Variants in NOS1 observed in about 807,000 individuals in gnomAD.
NOS1 encodes the protein nitric oxide synthase 1.
NOS1 carries 51 observed loss-of-function variants against 164.5 expected under a neutral mutation model. The ratio of observed to expected loss-of-function variants is 0.31; its 90% CI spans 0.25 to 0.39. NOS1 has a LOEUF of 0.39. NOS1 is among the 10% of genes least tolerant of loss of function. The pLI is 1.00. For missense variants in NOS1, 1,362 were observed against 1,885.6 expected, an observed-to-expected ratio of 0.72 and a Z score of 5.14; for synonymous variants, 719 against 745.8, an observed-to-expected ratio of 0.96 and a Z score of 0.59.
At chr12:117,223,366 A>G (rs1488922415) in intron 25 of NOS1, among the ~76,000 whole-genome samples, 1 of 149,626 alleles carries the variant, frequency 6.7e-6, no homozygotes, top group African/African-American at 2.5e-5. Flanking sequence ...GGTTCAATCC[A>G]TTCTCCTGCC....
rs895262084 is a variant in NOS1 at position 117,216,070 on chromosome 12, G to T, written c.4290-746C>A. On this transcript the variant is annotated intron_variant, in intron 28 of 28. Coordinates refer to ENST00000317775, the MANE Select transcript of NOS1 (RefSeq NM_000620.5). ...CTTTTGTGTTTTTAGTAGAGACAGGGTTTTGCCATGTTGCCCAGGCTGGTC... is the reference window on the plus strand; with the variant it reads ...CTTTTGTGTTTTTAGTAGAGACAGGTTTTTGCCATGTTGCCCAGGCTGGTC... Among the ~76,000 whole-genome samples the T allele has an allele frequency of 2.6e-5, 4 of 151,552 alleles. No individual in the cohort carries two copies. In the East Asian group the frequency reaches 7.8e-4, roughly 29 times the overall value.
At chr12:117,221,328 T>C (rs1956702072) in intron 26 of NOS1, among the ~76,000 whole-genome samples, 1 of 151,176 alleles carries the variant, frequency 6.6e-6, no homozygotes, top group Non-Finnish European at 1.5e-5. Context: ...CTTTTTTTTT[T>C]AGTAGAGATG....
Position 117,234,556 on chromosome 12 carries a change from G to A in NOS1, c.3235+9C>T. The A allele has an allele frequency of 6.2e-7, 1 of 1,609,250 alleles. No individual in the cohort carries two copies. Among genetic ancestry groups the A allele is most frequent in the Non-Finnish European group, 8.5e-7 (1 of 1,176,358 alleles). On this transcript the variant is annotated intron_variant, in intron 21 of 28. Transcript: ENST00000317775. The surrounding 1 kb of genome is among the most constrained non-coding windows in gnomAD (Gnocchi z 4.3). ...CCCTAGAGCAGGGAAGGGTCCCCGG[G>A]AATGTTACCTAAAGCCGTGTTCCGC...
chr12:117,271,978 C>T (rs1485970565), intron 10 of NOS1, among the ~76,000 whole-genome samples: 2 of 152,042 alleles, frequency 1.3e-5, no homozygotes, highest in Non-Finnish European at 2.9e-5. Context: ...GATTTAAGAC[C>T]GAGAGGCAGC....
intron 1 of NOS1, among the ~76,000 whole-genome samples, chr12:117,333,148 G>T (rs1218041712): frequency 5.3e-5 from 8 of 152,162 alleles, no homozygotes; most frequent in Admixed American, 5.2e-4. Flanking sequence ...GGAAGTAGCC[G>T]CCCGTCCCTA....
chr12:117,347,465 G>A (rs1876407227), intron 1 of NOS1, among the ~76,000 whole-genome samples: 1 of 152,096 alleles, frequency 6.6e-6, no homozygotes, highest in African/African-American at 2.4e-5. Flanking sequence ...CCCTTTAGGT[G>A]GGGCATGAGC....
chr12:117,337,802 T>C (rs1404980863), intron 1 of NOS1, among the ~76,000 whole-genome samples: 1 of 152,024 alleles, frequency 6.6e-6, no homozygotes, highest in East Asian at 1.9e-4. Context: ...AAGTGTCAGT[T>C]AAAATCTAAC....
chr12:117,298,755 G>A (rs538810064), intron 3 of NOS1, among the ~76,000 whole-genome samples: 5 of 152,230 alleles, frequency 3.3e-5, no homozygotes, highest in Admixed American at 6.5e-5. Flanking sequence ...CCCAGCCCTC[G>A]GAAGGAACCA....
rs975622973 is a variant in NOS1 at position 117,208,392 on chromosome 12, G to A, written c.*6917C>T. On this transcript the variant is annotated 3_prime_UTR_variant, in exon 29 of 29. Transcript: ENST00000317775. ...GGGGGACGGCCGAGTTTCTGACAGC[G>A]TGTGTGTGTGTGTGTGTGTGTGTGT... The A allele has an allele frequency of 4.1e-5, 10 of 245,280 alleles. No homozygotes were observed. The East Asian group carries it at 5.1e-4, about 13-fold the overall frequency. The allele number at this position is 245,280 out of a possible 1,614,324, so 15.2% of individuals were successfully genotyped here.
chr12:117,251,484 C>T (rs57705701), intron 17 of NOS1, among the ~76,000 whole-genome samples: 3,953 of 152,160 alleles, frequency 0.026, 135 homozygotes, highest in African/African-American at 0.079. Flanking sequence ...GTGATCATGG[C>T]TCACCATAGC....
At chr12:117,248,493 A>G (rs1870831525) in intron 17 of NOS1, among the ~76,000 whole-genome samples, 1 of 151,630 alleles carries the variant, frequency 6.6e-6, no homozygotes, top group Non-Finnish European at 1.5e-5. Context: ...GATGATTTCC[A>G]ATTTCATCCA....
chr12:117,247,342 G>C lies in NOS1; in HGVS notation c.2823+6C>G. The C allele has an allele frequency of 1.3e-6, 2 of 1,589,408 alleles. No homozygotes were observed. Among genetic ancestry groups the C allele is most frequent in the East Asian group, 2.3e-5 (1 of 43,898 alleles). On this transcript the variant is annotated splice_donor_region_variant and intron_variant, in intron 18 of 28. Transcript: ENST00000317775. ...TTTTCCTGTAGGTCCATGAGATCCA[G>C]ATTACCTTGAAGACCTTCTTGGCCC...
intron 3 of NOS1, among the ~76,000 whole-genome samples, chr12:117,307,127 T>G (rs1274694904): frequency 1.3e-5 from 2 of 152,224 alleles, no homozygotes; most frequent in African/African-American, 4.8e-5. Flanking sequence ...GATTTCTGCA[T>G]TGACTTTTAG....
Position 117,211,531 on chromosome 12 carries a change from A to G in NOS1, c.*3778T>C, listed in dbSNP as rs189553587. On this transcript the variant is annotated 3_prime_UTR_variant, in exon 29 of 29. Coordinates refer to ENST00000317775, the MANE Select transcript of NOS1 (RefSeq NM_000620.5). ...CTGTTGCCTTCTGAATAAAGCCTAA[A>G]TTTCTTGTAATGCCACTCACCTCTC... The G allele has an allele frequency of 1.0e-6, 1 of 985,136 alleles. No individual in the cohort carries two copies. The highest frequency in any genetic ancestry group is 1.1e-4 in the East Asian group (1 of 8,804). 61.0% of individuals were successfully genotyped at this position (985,136 alleles called of 1,614,324 possible). A position where few individuals can be genotyped will look rare whatever the true frequency, so the allele number is the denominator to read the frequency against.
At chr12:117,355,807 T>G (rs187026064) in intron 1 of NOS1, among the ~76,000 whole-genome samples, 3 of 152,328 alleles carry the variant, frequency 2.0e-5, no homozygotes, top group Admixed American at 2.0e-4. Flanking sequence ...TTACCCAGGA[T>G]GGAGTGCAGC....
At chr12:117,235,166 C>T (rs1354714154) in intron 20 of NOS1, among the ~76,000 whole-genome samples, 3 of 152,086 alleles carry the variant, frequency 2.0e-5, no homozygotes, top group South Asian at 2.1e-4. Flanking sequence ...AATCTTCCCA[C>T]CTCGGCCTTC....
Position 117,232,099 on chromosome 12 carries a change from G to A in NOS1, c.3268C>T (p.Leu1090Phe), listed in dbSNP as rs1225246863. ...GCCTGGAAGATGGTGCAGGGCGGGA[G>A]GCGGAGCTCGTCTGTCCAGTTACTG... ...VISNWTDELR[L>F]PPCTIFQAFK... The change falls in exon 22 of 29, where the codon CTC (leucine) becomes TTC (phenylalanine). Residue 1090 changes from leucine to phenylalanine, a missense_variant. Around this residue, in one of 4 missense-constraint regions of NOS1, gnomAD observed 737 missense variants for 1,030.3 expected, o/e 0.72. Coordinates refer to ENST00000317775, the MANE Select transcript of NOS1 (RefSeq NM_000620.5). 5 of 1,612,092 alleles carry A rather than the reference G, an allele frequency of 3.1e-6. 1 individual carries two copies. In the South Asian group the frequency reaches 4.4e-5, roughly 14 times the overall value.
intron 1 of NOS1, among the ~76,000 whole-genome samples, chr12:117,354,565 A>G (rs765223592): frequency 1.3e-5 from 2 of 152,238 alleles, no homozygotes; most frequent in Non-Finnish European, 2.9e-5. Context: ...GTCAGTTGCT[A>G]TCGAGTACTA....
intron 3 of NOS1, among the ~76,000 whole-genome samples, chr12:117,305,896 A>G (rs1053769324): frequency 2.0e-5 from 3 of 151,596 alleles, no homozygotes; most frequent in Non-Finnish European, 4.4e-5. Flanking sequence ...GGCTCAAGCA[A>G]TTCTTGTGCC....
Sources: allele counts gnomAD v4.1 joint callset (sites outside exome capture counted in the v4.1 genomes callset), GRCh38; gene constraint gnomAD v4.1.1; regional missense constraint gnomAD v4.1.1; non-coding constraint Gnocchi (gnomAD v3.1); transcripts MANE v1.5; gene names NCBI Gene and HGNC (gene_info 2026-07-23, HGNC 2026-07-21).